ACSM3: variants seen among roughly 807,000 people sequenced by gnomAD.
The protein encoded by ACSM3 is acyl-coenzyme A synthetase ACSM3, mitochondrial.
In ACSM3, 61 loss-of-function variants were observed where a neutral mutation model predicts 74.1. That is an observed-to-expected ratio of 0.82 (90% CI 0.67 to 1.02). ACSM3 has a LOEUF of 1.02. Ranked by LOEUF, ACSM3 falls within the 50% of genes least tolerant of loss-of-function variation. The probability of loss-of-function intolerance (pLI) is 0.00; values close to 1 mark genes in which losing one functional copy is unlikely to be tolerated. For missense variants in ACSM3, 660 were observed against 697.0 expected (o/e 0.95, Z 0.60); for synonymous variants, 213 against 241.5 (o/e 0.88, Z 1.09).
chr16:20,742,039 G>T, intron 1 of ACSM3: 1 of 1,416,102 alleles, frequency 7.1e-7, no homozygotes, highest in South Asian at 1.4e-5. Flanking sequence ...CTTGAAGCTG[G>T]CTCCAGCCAT....
At chr16:20,792,662 G>A (rs959908099) in intron 12 of ACSM3, 1 of 985,382 alleles carries the variant, frequency 1.0e-6, no homozygotes, top group Non-Finnish European at 1.2e-6. Context: ...CAGCTGGATG[G>A]GATCAAATTG....
At chr16:20,754,755 G>C (rs1239279756) in intron 2 of ACSM3, among the ~76,000 whole-genome samples, 1 of 152,162 alleles carries the variant, frequency 6.6e-6, no homozygotes, top group Admixed American at 6.5e-5. Context: ...CAATTCTCCA[G>C]AGCCATATTA....
intron 1 of ACSM3, chr16:20,738,316 A>AG: frequency 9.7e-6 from 4 of 413,888 alleles, no homozygotes; most frequent in African/African-American, 4.2e-5. Context: ...TTTACAAAAA[A>AG]AAAAAAAAAA....
At chr16:20,769,387 G>A (rs1043977276) in intron 1 of ACSM3, among the ~76,000 whole-genome samples, 3 of 152,230 alleles carry the variant, frequency 2.0e-5, no homozygotes, top group Non-Finnish European at 2.9e-5. Context: ...CTCCAAGCCT[G>A]GACTTAAAAG....
chr16:20,791,283 AAAC>A lies in ACSM3; in HGVS notation c.1326+598_1326+600del, dbSNP rs1268453200. 3.1e-4 allele frequency among the ~76,000 whole-genome samples: 47 copies of A among 152,360 alleles called. 1 individual carries two copies. Among genetic ancestry groups the A allele is most frequent in the African/African-American group, 1.0e-3 (42 of 41,590 alleles). On this transcript the variant is annotated intron_variant, in intron 10 of 13. Coordinates refer to ENST00000289416, the MANE Select transcript of ACSM3 (RefSeq NM_005622.4). ...ACCAATTCTATTATTGTGTAAAACA[AAAC>A]AAAGCACAAAAACAAAACAAACCTG...
chr16:20,705,237 G>C (rs1325179482), intron 1 of ACSM3, among the ~76,000 whole-genome samples: 2 of 152,126 alleles, frequency 1.3e-5, no homozygotes, highest in African/African-American at 4.8e-5. Context: ...GCCAGGCGTA[G>C]TGGTGGGCAC....
chr16:20,743,205 T>C (rs1181432764), intron 1 of ACSM3, among the ~76,000 whole-genome samples: 1 of 152,172 alleles, frequency 6.6e-6, no homozygotes, highest in Non-Finnish European at 1.5e-5. Context: ...CCCAAAGTGC[T>C]GAGATTACAG....
chr16:20,729,376 C>CTT, intron 1 of ACSM3: 1 of 1,315,594 alleles, frequency 7.6e-7, no homozygotes, highest in South Asian at 1.2e-5. Flanking sequence ...ATTTGCCACT[C>CTT]TTAAGAGGCA....
At chr16:20,725,833 G>A (rs1000780849) in intron 1 of ACSM3, among the ~76,000 whole-genome samples, 1 of 152,130 alleles carries the variant, frequency 6.6e-6, no homozygotes, top group South Asian at 2.1e-4. Context: ...TTAGCCAGGC[G>A]TGGTGGCACA....
In ACSM3 at chr16:20,796,990, C is replaced by T. The variant is rs777752040; in HGVS notation, c.*18C>T. ...CAATTTAAAGTTGTTTCATTAATTA[C>T]CATATCTATAAAACAAACATAGTAT... On this transcript the variant is annotated 3_prime_UTR_variant, in exon 14 of 14. Transcript: ENST00000289416. 3.0e-5 allele frequency: 49 copies of T among 1,608,522 alleles called. No individual in the cohort carries two copies. Among genetic ancestry groups the T allele is most frequent in the Non-Finnish European group, 4.2e-5 (49 of 1,178,050 alleles).
At chr16:20,676,869 A>T (rs987851259) in intron 1 of ACSM3, among the ~76,000 whole-genome samples, 9 of 151,488 alleles carry the variant, frequency 5.9e-5, no homozygotes, top group African/African-American at 1.5e-4. Flanking sequence ...GCCATGGTAT[A>T]AAAAAAAACC....
rs544118694 is a variant in ACSM3, at chr16:20,675,814, G to A, written c.-190+992G>A. Among the ~76,000 whole-genome samples, 153 of 152,328 alleles carry A rather than the reference G, an allele frequency of 1.0e-3. No homozygotes were observed. In the Middle Eastern group the frequency reaches 0.01, roughly 10 times the overall value. On this transcript the variant is annotated intron_variant, in intron 1 of 3. Coordinates refer to the ACSM3 transcript ENST00000561584. Reference sequence around the variant, plus strand: ...TAAATGAATGCAGCCCTGCCTAGCAGTTTATTGTAGAACGTTCACAGCTCA... The same window carrying A: ...TAAATGAATGCAGCCCTGCCTAGCAATTTATTGTAGAACGTTCACAGCTCA...
At chr16:20,760,803 A>T (rs62033328), upstream of ACSM3, among the ~76,000 whole-genome samples, 5,982 of 152,296 alleles carry the variant, frequency 0.039, 157 homozygotes, top group Middle Eastern at 0.078. Flanking sequence ...TTCCTTCTTC[A>T]TCTTTACTAT....
intron 3 of ACSM3, among the ~76,000 whole-genome samples, chr16:20,777,018 GT>G (rs999085057): frequency 2.6e-5 from 4 of 152,090 alleles, no homozygotes; most frequent in African/African-American, 9.7e-5. Flanking sequence ...ATGTTTTGGG[GT>G]TTTTTTGGTG....
chr16:20,780,728 G>A lies in ACSM3; in HGVS notation c.653G>A (p.Ser218Asn), dbSNP rs752920558. The part of the protein sequence containing the change: ...LKELMKHASD[S>N]HTCVKTKHNE... Reference sequence around the variant, plus strand: ...TTCCTTTGCAGACATGCCAGTGACAGCCACACCTGTGTGAAGACAAAACAC... The same window carrying A: ...TTCCTTTGCAGACATGCCAGTGACAACCACACCTGTGTGAAGACAAAACAC... The change falls in exon 5 of 14, where the codon AGC (serine) becomes AAC (asparagine). Residue 218 changes from serine (S) to asparagine (N), a missense_variant. Coordinates refer to ENST00000289416, the MANE Select transcript of ACSM3 (RefSeq NM_005622.4). 1.2e-6 allele frequency: 2 copies of A among 1,614,164 alleles called. No homozygotes were observed. The highest frequency in any genetic ancestry group is 1.7e-6 in the Non-Finnish European group (2 of 1,180,028).
intron 1 of ACSM3, among the ~76,000 whole-genome samples, chr16:20,766,280 A>G (rs2080124093): frequency 2.0e-5 from 3 of 151,622 alleles, no homozygotes; most frequent in Non-Finnish European, 4.4e-5. Context: ...CAAAAACTCA[A>G]GTGACCATTG....
chr16:20,752,403 G>A (rs2079995849), intron 2 of ACSM3, among the ~76,000 whole-genome samples: 1 of 152,174 alleles, frequency 6.6e-6, no homozygotes, highest in African/African-American at 2.4e-5. Context: ...GCTGTTCCTT[G>A]CCATTGTTTT....
At chr16:20,715,208 G>C (rs2079757391) in intron 1 of ACSM3, among the ~76,000 whole-genome samples, 2 of 152,166 alleles carry the variant, frequency 1.3e-5, no homozygotes, top group Non-Finnish European at 2.9e-5. Flanking sequence ...GAATTGAAAA[G>C]AAAATCAATA....
chr16:20,758,480 A>G (rs2080049560), intron 3 of ACSM3, among the ~76,000 whole-genome samples: 1 of 151,720 alleles, frequency 6.6e-6, no homozygotes, highest in Non-Finnish European at 1.5e-5. Context: ...CGGTGGTGAT[A>G]TCCCCTTTAT....
Sources: allele counts gnomAD v4.1 joint callset (sites outside exome capture counted in the v4.1 genomes callset), GRCh38; gene constraint gnomAD v4.1.1; transcripts MANE v1.5; gene names NCBI Gene and HGNC (gene_info 2026-07-23, HGNC 2026-07-21).